The following C12orf42 variants were observed in gnomAD, a reference collection of about 807,000 sequenced individuals.
C12orf42 encodes the protein chromosome 12 open reading frame 42.
In C12orf42, 25 loss-of-function variants were observed where a neutral mutation model predicts 21.6. That is an observed-to-expected ratio of 1.16 (90% CI 0.84 to 1.62). The LOEUF (loss-of-function observed/expected upper bound fraction) is 1.62. Among genes scored for constraint, C12orf42 ranks in the 40% most tolerant of loss-of-function variants. C12orf42 has a pLI of 0.00. For missense variants in C12orf42, 483 were observed against 459.3 expected, an observed-to-expected ratio of 1.05 and a Z score of -0.47; for synonymous variants, 174 against 175.0, an observed-to-expected ratio of 0.99 and a Z score of 0.05.
At chr12:103,524,395 A>G in the C12orf42 span, among the ~76,000 whole-genome samples, 1 of 152,176 alleles carries the variant, frequency 6.6e-6, no homozygotes, top group Non-Finnish European at 1.5e-5. Context: ...GGTGGCAAAA[A>G]AAAGGGCCTG....
chr12:103,498,532 G>C (rs1401679851), upstream of C12orf42, among the ~76,000 whole-genome samples: 1 of 152,180 alleles, frequency 6.6e-6, no homozygotes, highest in African/African-American at 2.4e-5. Flanking sequence ...TGAGCCTAGA[G>C]GACATTAGGT....
At chr12:103,450,641 T>C (rs1414756900) in intron 2 of C12orf42, among the ~76,000 whole-genome samples, 11 of 152,126 alleles carry the variant, frequency 7.2e-5, no homozygotes, top group Admixed American at 7.2e-4. Flanking sequence ...CCTAAGAAGG[T>C]GTCCTTAATT....
chr12:103,121,898 G>C, the C12orf42 span, among the ~76,000 whole-genome samples: 57 of 152,268 alleles, frequency 3.7e-4, no homozygotes, highest in South Asian at 4.4e-3. Context: ...GATTATTCAG[G>C]TTGAACAAGC....
chr12:103,059,480 G>A, the C12orf42 span, among the ~76,000 whole-genome samples: 2 of 152,124 alleles, frequency 1.3e-5, no homozygotes, highest in African/African-American at 4.8e-5. Context: ...CATTTTATGA[G>A]GGTAGTATCA....
the C12orf42 span, among the ~76,000 whole-genome samples, chr12:103,177,177 T>C: frequency 6.6e-6 from 1 of 152,130 alleles, no homozygotes. Context: ...GATAGAATGA[T>C]GACTCCCAAG....
At chr12:103,096,741 T>C in the C12orf42 span, among the ~76,000 whole-genome samples, 6 of 152,192 alleles carry the variant, frequency 3.9e-5, no homozygotes. Flanking sequence ...TAAAGGGTCC[T>C]TGGTGGAGGA....
In C12orf42 at chr12:103,302,257, G is replaced by C; in HGVS notation, c.934C>G (p.Leu312Val). 6.2e-7 allele frequency: 1 copy of C among 1,612,136 alleles called. No individual in the cohort carries two copies. The highest frequency in any genetic ancestry group is 8.5e-7 in the Non-Finnish European group (1 of 1,178,806). ...GTGGAAGCACCGGCCAGCAGAGGAAGGGGCGCTCCTGCCAGATTGCCATGG... is the reference window on the plus strand; with the variant it reads ...GTGGAAGCACCGGCCAGCAGAGGAACGGGCGCTCCTGCCAGATTGCCATGG... ...SLHGNLAGAP[L>V]PLLAGASTHF... The change falls in exon 6 of 6, where the codon CTT becomes GTT. Residue 312 changes from leucine to valine, a missense_variant. Coordinates refer to ENST00000548883, the MANE Select transcript of C12orf42 (RefSeq NM_198521.5).
intron 5 of C12orf42, 95 bp downstream of exon 5, chr12:103,305,879 C>G (rs1247530406): frequency 7.1e-6 from 10 of 1,410,078 alleles, no homozygotes; most frequent in South Asian, 1.4e-5. Flanking sequence ...TAGGACTGGC[C>G]ATGAAGTCAA....
At chr12:103,264,126 G>C (rs79427521), downstream of C12orf42, among the ~76,000 whole-genome samples, 1,279 of 150,626 alleles carry the variant, frequency 8.5e-3, 21 homozygotes, top group African/African-American at 0.03. Context: ...TTACTGCCTT[G>C]CATTGTCAGC....
chr12:103,077,649 G>A, the C12orf42 span, among the ~76,000 whole-genome samples: 1 of 152,138 alleles, frequency 6.6e-6, no homozygotes, highest in Non-Finnish European at 1.5e-5. Flanking sequence ...AGGCCTACAG[G>A]AAGCTAATAG....
rs138720648 is a variant in C12orf42 at position 103,368,495 on chromosome 12, T to C, written c.259+392A>G. On this transcript the variant is annotated intron_variant, in intron 4 of 5. Coordinates refer to ENST00000548883, the MANE Select transcript of C12orf42 (RefSeq NM_198521.5). ...CCAAAGTCTGGCCAATCAGAGCCAT[T>C]GGATAAGCAGTAGAGACTGTTCTAG... Among the ~76,000 whole-genome samples, 15 of 152,080 alleles carry C rather than the reference T, an allele frequency of 9.9e-5. No homozygotes were observed. In the East Asian group the frequency reaches 1.4e-3, roughly 14 times the overall value.
At chr12:103,237,360 G>A (rs1013812607), downstream of C12orf42, among the ~76,000 whole-genome samples, 1 of 152,168 alleles carries the variant, frequency 6.6e-6, no homozygotes, top group Non-Finnish European at 1.5e-5. Context: ...TATTGGCACA[G>A]TGACAAGATC....
At chr12:103,053,086 G>A in the C12orf42 span, among the ~76,000 whole-genome samples, 1 of 151,914 alleles carries the variant, frequency 6.6e-6, no homozygotes, top group Non-Finnish European at 1.5e-5. Context: ...TTCCCTCACT[G>A]TGATGTTATT....
intron 4 of C12orf42, among the ~76,000 whole-genome samples, chr12:103,360,707 G>T (rs1422730984): frequency 6.6e-6 from 1 of 151,884 alleles, no homozygotes; most frequent in Non-Finnish European, 1.5e-5. Context: ...CAGTAGGCTG[G>T]AAATAAGCCT....
At chr12:103,451,693 A>ACCCAAG (rs1181258804) in intron 2 of C12orf42, among the ~76,000 whole-genome samples, 1 of 151,960 alleles carries the variant, frequency 6.6e-6, no homozygotes, top group East Asian at 1.9e-4. Context: ...CCAAACCCAA[A>ACCCAAG]CATTTGTTGG....
chr12:103,412,167 A>C (rs1177865111), intron 2 of C12orf42, among the ~76,000 whole-genome samples: 1 of 152,242 alleles, frequency 6.6e-6, no homozygotes, highest in Non-Finnish European at 1.5e-5. Flanking sequence ...AACTGAGTTT[A>C]AATTTTTAAC....
At chr12:103,309,877 G>A (rs917099377) in intron 4 of C12orf42, among the ~76,000 whole-genome samples, 17 of 152,254 alleles carry the variant, frequency 1.1e-4, no homozygotes, top group African/African-American at 3.9e-4. Flanking sequence ...CGAGAGTGGA[G>A]ACCAAAGCAA....
intron 2 of C12orf42, among the ~76,000 whole-genome samples, chr12:103,407,856 T>G (rs2048538537): frequency 6.6e-6 from 1 of 152,226 alleles, no homozygotes; most frequent in Non-Finnish European, 1.5e-5. Flanking sequence ...GGTTTCATTC[T>G]TGATCACATG....
At chr12:103,290,083 C>T (rs1000821673) in intron 4 of C12orf42, among the ~76,000 whole-genome samples, 8 of 152,132 alleles carry the variant, frequency 5.3e-5, no homozygotes, top group Non-Finnish European at 1.0e-4. Context: ...GCAAGAAGTA[C>T]GGCTTCACCA....
Sources: gnomAD v4.1 joint callset for allele counts (sites outside exome capture counted in the v4.1 genomes callset) on GRCh38, gnomAD v4.1.1 for gene constraint, MANE v1.5 for transcripts, NCBI Gene and HGNC (gene_info 2026-07-23, HGNC 2026-07-21) for gene names.